The following CSMD1 variants were observed in gnomAD, a reference collection of about 807,000 sequenced individuals.
CSMD1 encodes the protein CUB and Sushi multiple domains 1, also known as CUB and sushi domain-containing protein 1.
Under a neutral mutation model 417.5 loss-of-function variants are expected in CSMD1, and 213 were observed. The ratio of observed to expected loss-of-function variants is 0.51; its 90% CI spans 0.46 to 0.57. The LOEUF (loss-of-function observed/expected upper bound fraction) is 0.57. Among genes scored for constraint, CSMD1 ranks in the 20% least tolerant of loss-of-function variants. CSMD1 has a pLI of 0.00. For missense variants in CSMD1, 6,923 were observed against 4,529.7 expected (o/e 1.53, Z -15.17); for synonymous variants, 2,862 against 1,736.8 (o/e 1.65, Z -16.11).
chr8:4,615,044 T>C (rs901407656), intron 2 of CSMD1, among the ~76,000 whole-genome samples: 1 of 152,192 alleles, frequency 6.6e-6, no homozygotes, highest in African/African-American at 2.4e-5. Flanking sequence ...TATTTTCAGA[T>C]GAGAAAGGCT....
Position 3,110,214 on chromosome 8 carries a change from A to C in CSMD1, c.6552T>G (p.Val2184=). Residue 2184 remains valine, a synonymous_variant, in exon 43 of 70, where the codon GTT becomes GTG. Transcript: ENST00000635120. ...TCTGTAACAGGGTGAAGTTGATGTA[A>C]ACTCCGTGCCCTGGAGGCACCGTGA... ...WLITVPPGHG[V]YINFTLLQTE... The C allele has an allele frequency of 6.2e-7, 1 of 1,613,144 alleles. No homozygotes were observed. Among genetic ancestry groups the C allele is most frequent in the Non-Finnish European group, 8.5e-7 (1 of 1,179,592 alleles).
chr8:4,741,009 T>G lies in CSMD1; in HGVS notation c.86-103451A>C, dbSNP rs534205430. 2.6e-5 allele frequency among the ~76,000 whole-genome samples: 4 copies of G among 152,328 alleles called. No homozygotes were observed. The South Asian group carries it at 8.3e-4, about 32-fold the overall frequency. On this transcript the variant is annotated intron_variant, in intron 1 of 69. Coordinates refer to ENST00000635120, the MANE Select transcript of CSMD1 (RefSeq NM_033225.6). ...AACAGGAAGACACATAAAAAATAATTTACTAGAACCGAAAGTCCTAGTAAT... is the reference window on the plus strand; with the variant it reads ...AACAGGAAGACACATAAAAAATAATGTACTAGAACCGAAAGTCCTAGTAAT...
chr8:3,104,553 T>C (rs1239294060), intron 46 of CSMD1, among the ~76,000 whole-genome samples: 2 of 152,106 alleles, frequency 1.3e-5, no homozygotes, highest in South Asian at 2.1e-4. Flanking sequence ...AAAAAAAAAA[T>C]CTAAGTTATT....
intron 1 of CSMD1, among the ~76,000 whole-genome samples, chr8:4,918,872 C>G (rs1806242270): frequency 6.6e-6 from 1 of 152,064 alleles, no homozygotes; most frequent in Non-Finnish European, 1.5e-5. Context: ...CACACACACC[C>G]CTACAACATG....
intron 2 of CSMD1, among the ~76,000 whole-genome samples, chr8:4,483,058 C>T (rs192776669): frequency 1.3e-5 from 2 of 152,138 alleles, no homozygotes; most frequent in African/African-American, 4.8e-5. Flanking sequence ...ATTGGACTCC[C>T]ATAATTCCCA....
intron 7 of CSMD1, among the ~76,000 whole-genome samples, chr8:3,662,880 G>A (rs572355232): frequency 6.6e-6 from 1 of 152,158 alleles, no homozygotes; most frequent in Non-Finnish European, 1.5e-5. Context: ...GGACAAATAT[G>A]TAATGCATGA....
At chr8:3,870,299 T>C (rs1482406436) in intron 5 of CSMD1, among the ~76,000 whole-genome samples, 1 of 152,222 alleles carries the variant, frequency 6.6e-6, no homozygotes, top group Non-Finnish European at 1.5e-5. Flanking sequence ...TTCCACATTA[T>C]ATATCCTCAG....
intron 10 of CSMD1, among the ~76,000 whole-genome samples, chr8:3,525,359 A>G (rs1270213470): frequency 2.0e-5 from 3 of 152,324 alleles, no homozygotes; most frequent in South Asian, 2.1e-4. Context: ...GGGAGGCAGG[A>G]TAAGGATCAA....
intron 12 of CSMD1, among the ~76,000 whole-genome samples, chr8:3,440,239 G>T (rs992577422): frequency 1.3e-5 from 2 of 152,200 alleles, no homozygotes; most frequent in South Asian, 4.1e-4. Flanking sequence ...ATATCAATTT[G>T]GGAGATTTGA....
chr8:4,252,308 T>C (rs1490492765), intron 3 of CSMD1, among the ~76,000 whole-genome samples: 1 of 152,214 alleles, frequency 6.6e-6, no homozygotes, highest in Non-Finnish European at 1.5e-5. Context: ...CTCCAACATT[T>C]GTGCAACACA....
intron 41 of CSMD1, chr8:3,128,699 A>T: frequency 2.8e-6 from 1 of 354,910 alleles, no homozygotes; most frequent in Admixed American, 3.8e-5. Flanking sequence ...AAGAAAATAA[A>T]ATAGCTCAAA....
chr8:3,526,101 CT>C (rs917039580), intron 10 of CSMD1, among the ~76,000 whole-genome samples: 2 of 152,072 alleles, frequency 1.3e-5, no homozygotes, highest in African/African-American at 4.8e-5. Flanking sequence ...GTCAATTCAG[CT>C]TTAAAAACAG....
chr8:4,383,593 G>A (rs570878085), intron 3 of CSMD1, among the ~76,000 whole-genome samples: 101 of 152,242 alleles, frequency 6.6e-4, no homozygotes, highest in African/African-American at 2.4e-3. Context: ...CTGAAACATG[G>A]AAGTGTTTAA....
chr8:3,264,594 T>C (rs1275657419), intron 26 of CSMD1, among the ~76,000 whole-genome samples: 2 of 152,176 alleles, frequency 1.3e-5, no homozygotes, highest in Non-Finnish European at 2.9e-5. Flanking sequence ...TAACAATCAT[T>C]TATATTTGCA....
intron 6 of CSMD1, among the ~76,000 whole-genome samples, chr8:3,745,873 G>GTAAT (rs1797042807): frequency 6.6e-6 from 1 of 152,160 alleles, no homozygotes; most frequent in Non-Finnish European, 1.5e-5. Context: ...TATCATGTAG[G>GTAAT]TAATTGCCTG....
chr8:4,384,879 AT>A (rs201032765), intron 3 of CSMD1, among the ~76,000 whole-genome samples: 12,784 of 152,204 alleles, frequency 0.084, 700 homozygotes, highest in South Asian at 0.19. Flanking sequence ...AACTGCTCTA[AT>A]TTCTGGTGAC....
chr8:3,103,970 T>C (rs1176943076), intron 46 of CSMD1, among the ~76,000 whole-genome samples: 1 of 151,964 alleles, frequency 6.6e-6, no homozygotes. Context: ...CTTGAACTCC[T>C]AACCTCAGGT....
intron 1 of CSMD1, among the ~76,000 whole-genome samples, chr8:4,722,006 G>A (rs113938012): frequency 3.9e-5 from 6 of 152,124 alleles, no homozygotes; most frequent in African/African-American, 1.4e-4. Context: ...ATGGTTATTG[G>A]AGTGGGCTGG....
intron 2 of CSMD1, among the ~76,000 whole-genome samples, chr8:4,486,620 G>A (rs1801429787): frequency 6.6e-6 from 1 of 151,952 alleles, no homozygotes; most frequent in African/African-American, 2.4e-5. Flanking sequence ...ATATAAATAC[G>A]ACTCAGTGAC....
Sources: allele counts gnomAD v4.1 joint callset (sites outside exome capture counted in the v4.1 genomes callset), GRCh38; gene constraint gnomAD v4.1.1; transcripts MANE v1.5; gene names NCBI Gene and HGNC (gene_info 2026-07-23, HGNC 2026-07-21).